The following SERPINB10 variants were observed in gnomAD, a reference collection of about 807,000 sequenced individuals.
SERPINB10 encodes the protein serpin family B member 10.
A neutral mutation model predicts 39.1 loss-of-function variants in SERPINB10; 35 were observed. That is an observed-to-expected ratio of 0.90 (90% CI 0.68 to 1.19). The LOEUF (loss-of-function observed/expected upper bound fraction) is 1.19. Ranked by LOEUF, SERPINB10 falls within the 50% of genes most tolerant of loss-of-function variation. The pLI is 0.00. For missense variants in SERPINB10, 546 were observed against 460.5 expected, an observed-to-expected ratio of 1.19 and a Z score of -1.70; for synonymous variants, 190 against 158.1, an observed-to-expected ratio of 1.20 and a Z score of -1.52.
intron 3 of SERPINB10, 67 bp downstream of exon 3, chr18:63,917,588 G>A: frequency 1.1e-6 from 1 of 940,432 alleles, no homozygotes. Context: ...ATGTATTTTA[G>A]TGATAACTGA....
At chr18:63,920,719 G>C (rs1179353055) in intron 5 of SERPINB10, among the ~76,000 whole-genome samples, 1 of 151,984 alleles carries the variant, frequency 6.6e-6, no homozygotes, top group Non-Finnish European at 1.5e-5. Flanking sequence ...TGGTTTGCCT[G>C]TGACTTTCCT....
At chr18:63,923,935 C>G (rs2050163316) in intron 5 of SERPINB10, among the ~76,000 whole-genome samples, 1 of 151,922 alleles carries the variant, frequency 6.6e-6, no homozygotes, top group African/African-American at 2.4e-5. Flanking sequence ...TTATGTTCTG[C>G]TTTGACAATT....
rs184153842 is a variant in SERPINB10, at chr18:63,926,865, C to T, written c.491-3180C>T. 1.6e-4 allele frequency among the ~76,000 whole-genome samples: 25 copies of T among 152,014 alleles called. No individual in the cohort carries two copies. The East Asian group carries it at 1.7e-3, about 11-fold the overall frequency. Reference sequence around the variant, plus strand: ...GTGTATATAAGATGTTATCATTTAACGATATTTTATAAGCATAATTATTAT... The same window carrying T: ...GTGTATATAAGATGTTATCATTTAATGATATTTTATAAGCATAATTATTAT... On this transcript the variant is annotated intron_variant, in intron 5 of 7. Transcript: ENST00000238508.
chr18:63,924,869 A>G lies in SERPINB10; in HGVS notation c.490+4964A>G, dbSNP rs527416836. Among the ~76,000 whole-genome samples the G allele has an allele frequency of 4.6e-5, 7 of 152,086 alleles. No homozygotes were observed. In the East Asian group the frequency reaches 9.7e-4, roughly 21 times the overall value. ...CACTGTTTCAGATACATTCTTTTAAACAAACATATGGTCTAAAACATTAAG... is the reference window on the plus strand; with the variant it reads ...CACTGTTTCAGATACATTCTTTTAAGCAAACATATGGTCTAAAACATTAAG... On this transcript the variant is annotated intron_variant, in intron 5 of 7. Transcript: ENST00000238508.
At chr18:63,922,847 G>A (rs1156442269) in intron 5 of SERPINB10, among the ~76,000 whole-genome samples, 1 of 151,936 alleles carries the variant, frequency 6.6e-6, no homozygotes, top group Non-Finnish European at 1.5e-5. Context: ...TAATGTGACT[G>A]AGGAACTGAA....
chr18:63,931,512 A>T (rs1361914777), intron 6 of SERPINB10, among the ~76,000 whole-genome samples: 1 of 152,176 alleles, frequency 6.6e-6, no homozygotes, highest in African/African-American at 2.4e-5. Flanking sequence ...TTCGACATAG[A>T]ATGGAAAAGT....
intron 2 of SERPINB10, among the ~76,000 whole-genome samples, chr18:63,917,218 G>A (rs1187192020): frequency 6.6e-6 from 1 of 151,904 alleles, no homozygotes; most frequent in Non-Finnish European, 1.5e-5. Context: ...CATCATTCTA[G>A]TTACAAAACA....
intron 7 of SERPINB10, among the ~76,000 whole-genome samples, chr18:63,934,618 C>G (rs1401513743): frequency 6.6e-6 from 1 of 152,158 alleles, no homozygotes; most frequent in Non-Finnish European, 1.5e-5. Context: ...GAATTAAACT[C>G]TAATTCTCCT....
At chr18:63,929,724 A>AG (rs1440001142) in intron 5 of SERPINB10, among the ~76,000 whole-genome samples, 1 of 89,480 alleles carries the variant, frequency 1.1e-5, no homozygotes, top group Non-Finnish European at 2.5e-5. Context: ...AAAAAAAAAA[A>AG]AAAAAAAAAG....
intron 6 of SERPINB10, among the ~76,000 whole-genome samples, chr18:63,932,420 G>A (rs112391912): frequency 1.3e-5 from 2 of 152,166 alleles, no homozygotes; most frequent in African/African-American, 4.8e-5. Context: ...AGCATTTGGT[G>A]TTTCATATTT....
At chr18:63,908,330 G>T (rs191255490) in intron 1 of SERPINB10, among the ~76,000 whole-genome samples, 169 of 152,134 alleles carry the variant, frequency 1.1e-3, no homozygotes, top group African/African-American at 3.9e-3. Flanking sequence ...TTGTTTTACT[G>T]GGAATTGTGA....
intron 5 of SERPINB10, among the ~76,000 whole-genome samples, chr18:63,927,827 C>T (rs866704554): frequency 1.3e-5 from 2 of 152,046 alleles, no homozygotes; most frequent in Non-Finnish European, 1.5e-5. Context: ...TTTATATTCA[C>T]AAGAGAAATG....
At chr18:63,918,449 A>G (rs17072132) in intron 4 of SERPINB10, among the ~76,000 whole-genome samples, 2,565 of 152,112 alleles carry the variant, frequency 0.017, 82 homozygotes, top group African/African-American at 0.057. Flanking sequence ...GACTTTACAG[A>G]CTTTGGGAAC....
chr18:63,920,860 C>T (rs1369136526), intron 5 of SERPINB10, among the ~76,000 whole-genome samples: 1 of 151,900 alleles, frequency 6.6e-6, no homozygotes, highest in African/African-American at 2.4e-5. Context: ...CATTTGTCAC[C>T]TAAATTTCAG....
At position 63,935,355 on chromosome 18, in the gene SERPINB10, T is replaced by G. The variant is rs2050255686; in HGVS notation, c.*113T>G. On this transcript the variant is annotated 3_prime_UTR_variant, in exon 8 of 8. Transcript: ENST00000238508. Reference sequence around the variant, plus strand: ...GTTTGTAGTCTAAACCTTTTTCACATTTGAATATAAGTAAATAGATCTTGA... The same window carrying G: ...GTTTGTAGTCTAAACCTTTTTCACAGTTGAATATAAGTAAATAGATCTTGA... 1 of 1,042,834 alleles carries G rather than the reference T, an allele frequency of 9.6e-7. No individual in the cohort carries two copies. Among genetic ancestry groups the G allele is most frequent in the Admixed American group, 2.4e-5 (1 of 41,128 alleles). The allele number at this position is 1,042,834 out of a possible 1,614,324, so 64.6% of individuals were successfully genotyped here.
intron 2 of SERPINB10, among the ~76,000 whole-genome samples, chr18:63,916,445 A>C (rs546862595): frequency 6.6e-6 from 1 of 152,056 alleles, no homozygotes; most frequent in East Asian, 1.9e-4. Context: ...TGACTTCCTC[A>C]GAAAGTATGG....
At chr18:63,930,625 G>A (rs2050215539) in intron 6 of SERPINB10, among the ~76,000 whole-genome samples, 2 of 152,144 alleles carry the variant, frequency 1.3e-5, no homozygotes. Context: ...ACTAAAGTAA[G>A]GTTATAGATT....
rs138441653 is a variant in SERPINB10 at position 63,934,898 on chromosome 18, T to C, written c.850T>C (p.Leu284=). 1.6e-4 allele frequency: 262 copies of C among 1,613,812 alleles called. No homozygotes were observed. The highest frequency in any genetic ancestry group is 2.1e-4 in the Non-Finnish European group (248 of 1,179,970). Residue 284 remains leucine (L), a synonymous_variant, in exon 8 of 8, where the codon TTG becomes CTG. Coordinates refer to ENST00000238508, the MANE Select transcript of SERPINB10 (RefSeq NM_005024.3). ...GTGGACCAGTGCAGACATGATGGAG[T>C]TGTATGAAGTGCAGCTACACCTTCC... The part of the protein sequence containing the change: ...NEWTSADMME[L]YEVQLHLPKF...
chr18:63,909,093 G>T (rs533228309), intron 1 of SERPINB10, among the ~76,000 whole-genome samples: 2 of 152,080 alleles, frequency 1.3e-5, no homozygotes, highest in Middle Eastern at 3.4e-3. Context: ...TGTGCTAGGG[G>T]CATGCGATGA....
Sources: allele counts gnomAD v4.1 joint callset (sites outside exome capture counted in the v4.1 genomes callset), GRCh38; gene constraint gnomAD v4.1.1; transcripts MANE v1.5; gene names NCBI Gene and HGNC (gene_info 2026-07-23, HGNC 2026-07-21).